AFF3: variants seen among roughly 807,000 people sequenced by gnomAD.
AFF3 encodes the protein ALF transcription elongation factor 3.
AFF3 carries 32 observed loss-of-function variants against 129.7 expected under a neutral mutation model. That is an observed-to-expected ratio of 0.25 (90% CI 0.19 to 0.33). The LOEUF is 0.33. Ranked by LOEUF, AFF3 falls within the 10% of genes least tolerant of loss-of-function variation. The probability of loss-of-function intolerance (pLI) is 1.00; values close to 1 mark genes in which losing one functional copy is unlikely to be tolerated. For missense variants in AFF3, 1,373 were observed against 1,592.0 expected, an observed-to-expected ratio of 0.86 and a Z score of 2.34; for synonymous variants, 644 against 635.4, an observed-to-expected ratio of 1.01 and a Z score of -0.20.
At chr2:99,912,972 T>G (rs1017066050) in intron 7 of AFF3, among the ~76,000 whole-genome samples, 5 of 152,178 alleles carry the variant, frequency 3.3e-5, no homozygotes, top group Admixed American at 6.6e-5. Flanking sequence ...AACCTCCATC[T>G]GCGCCCCAAC....
chr2:99,959,339 C>CAAAAAAA (rs34083581), intron 7 of AFF3, among the ~76,000 whole-genome samples: 1 of 66,928 alleles, frequency 1.5e-5, no homozygotes, highest in Non-Finnish European at 2.9e-5. Flanking sequence ...AAGAGTCTGC[C>CAAAAAAA]AAAAAAAAAA....
At chr2:99,976,813 T>C (rs571326506) in intron 7 of AFF3, among the ~76,000 whole-genome samples, 3,157 of 149,268 alleles carry the variant, frequency 0.021, 56 homozygotes, top group Middle Eastern at 0.045. Flanking sequence ...TTTTTTTTTT[T>C]CCTAAAAAAG....
intron 7 of AFF3, among the ~76,000 whole-genome samples, chr2:99,888,823 G>C (rs1693319266): frequency 6.6e-6 from 1 of 152,076 alleles, no homozygotes; most frequent in African/African-American, 2.4e-5. Context: ...AAGGAGGGAT[G>C]AACAATGACG....
rs368375838 is a variant in AFF3, at chr2:100,079,658, C to T, written c.53+24744G>A. Reference sequence around the variant, plus strand: ...ACTGTACTTTCTTGTGGCCCCCCAACAGAACTCACGCTTCCCCAGCTCATA... The same window carrying T: ...ACTGTACTTTCTTGTGGCCCCCCAATAGAACTCACGCTTCCCCAGCTCATA... On this transcript the variant is annotated intron_variant, in intron 4 of 24. Transcript: ENST00000672756. Among the ~76,000 whole-genome samples the T allele has an allele frequency of 2.0e-5, 3 of 152,268 alleles. No individual in the cohort carries two copies. The East Asian group carries it at 5.8e-4, about 29-fold the overall frequency.
chr2:99,684,677 T>C (rs1674868752), intron 11 of AFF3, among the ~76,000 whole-genome samples: 1 of 151,504 alleles, frequency 6.6e-6, no homozygotes, highest in African/African-American at 2.4e-5. Flanking sequence ...AGTGGTGTGA[T>C]CACAGCTCAC....
chr2:99,596,678 A>G (rs1384304747), intron 14 of AFF3, among the ~76,000 whole-genome samples: 4 of 152,224 alleles, frequency 2.6e-5, no homozygotes, highest in African/African-American at 9.7e-5. Context: ...CCCACATCTC[A>G]TATGTGAGAG....
At position 100,033,327 on chromosome 2, in the gene AFF3, A is replaced by G. The variant is rs530157985; in HGVS notation, c.54-24395T>C. ...TTTAGGTAAGAGGAAGCATTAAAAG[A>G]GAAAGATTTGAGATTAACTGTGGAT... On this transcript the variant is annotated intron_variant, in intron 4 of 24. Coordinates refer to ENST00000672756, the MANE Select transcript of AFF3 (RefSeq NM_001386135.1). Among the ~76,000 whole-genome samples, 3 of 152,362 alleles carry G rather than the reference A, an allele frequency of 2.0e-5. No homozygotes were observed. In the South Asian group the frequency reaches 6.2e-4, roughly 32 times the overall value.
chr2:100,058,570 C>CT (rs563706364), intron 4 of AFF3, among the ~76,000 whole-genome samples: 5 of 151,304 alleles, frequency 3.3e-5, no homozygotes, highest in East Asian at 1.9e-4. Flanking sequence ...CGAAGTCTTT[C>CT]TTTTTTTTTG....
At chr2:99,763,534 G>A (rs1401662030) in intron 8 of AFF3, among the ~76,000 whole-genome samples, 2 of 150,772 alleles carry the variant, frequency 1.3e-5, no homozygotes, top group African/African-American at 5.0e-5. Context: ...GGTGACAGAG[G>A]GAGACCCTGT....
intron 8 of AFF3, among the ~76,000 whole-genome samples, chr2:99,801,074 T>A (rs577113477): frequency 7.2e-5 from 11 of 152,198 alleles, no homozygotes; most frequent in South Asian, 4.1e-4. Context: ...TATGTGATAT[T>A]TTCACCGGTA....
chr2:99,702,882 G>A (rs890646006), intron 11 of AFF3, among the ~76,000 whole-genome samples: 1 of 152,130 alleles, frequency 6.6e-6, no homozygotes, highest in Non-Finnish European at 1.5e-5. Flanking sequence ...CTCTTAGTAG[G>A]TCTTTCACAG....
intron 10 of AFF3, among the ~76,000 whole-genome samples, chr2:99,733,687 G>A (rs1680024716): frequency 6.6e-6 from 1 of 151,988 alleles, no homozygotes; most frequent in Non-Finnish European, 1.5e-5. Context: ...AGTTATTATG[G>A]TACTTGAAGT....
chr2:99,742,346 G>C (rs545200927), intron 10 of AFF3, among the ~76,000 whole-genome samples: 82 of 151,528 alleles, frequency 5.4e-4, no homozygotes, highest in African/African-American at 1.9e-3. Context: ...CTTGTCTCAA[G>C]AAAATGAAAT....
chr2:99,585,920 G>T (rs916707587), intron 16 of AFF3, among the ~76,000 whole-genome samples: 4 of 152,054 alleles, frequency 2.6e-5, no homozygotes, highest in Admixed American at 2.6e-4. Context: ...TAGTAGATAC[G>T]GGGTTTCACC....
chr2:99,750,418 C>CT (rs59169692), intron 9 of AFF3, among the ~76,000 whole-genome samples: 15,184 of 128,948 alleles, frequency 0.12, 2,118 homozygotes, highest in African/African-American at 0.34. Context: ...TTTTTCTTTT[C>CT]TTTTTTTTTT....
intron 11 of AFF3, among the ~76,000 whole-genome samples, chr2:99,699,752 C>T (rs1676658841): frequency 6.6e-6 from 1 of 152,166 alleles, no homozygotes; most frequent in South Asian, 2.1e-4. Context: ...ACAGCAGTGC[C>T]GATCTCTGCC....
chr2:99,675,499 G>C (rs747083314), intron 11 of AFF3, among the ~76,000 whole-genome samples: 24 of 152,178 alleles, frequency 1.6e-4, no homozygotes, highest in Non-Finnish European at 2.8e-4. Flanking sequence ...TTATTCTGAT[G>C]GTCATGAGCA....
chr2:99,704,333 T>C (rs1261239403), intron 11 of AFF3, among the ~76,000 whole-genome samples: 1 of 151,984 alleles, frequency 6.6e-6, no homozygotes, highest in Non-Finnish European at 1.5e-5. Flanking sequence ...TCTCTTAGTT[T>C]TCCTGCAGCC....
At chr2:100,104,706 G>A in intron 3 of AFF3, 188 bp from the exon 4 acceptor site, 1 of 967,032 alleles carries the variant, frequency 1.0e-6, no homozygotes, top group Non-Finnish European at 1.2e-6. Flanking sequence ...TCAAGAGAGA[G>A]CAGCGAGCTC....
Sources: gnomAD v4.1 joint callset for allele counts (sites outside exome capture counted in the v4.1 genomes callset) on GRCh38, gnomAD v4.1.1 for gene constraint, MANE v1.5 for transcripts, NCBI Gene and HGNC (gene_info 2026-07-23, HGNC 2026-07-21) for gene names.